Variants in SPTSSB observed in about 807,000 individuals in gnomAD.
SPTSSB encodes the protein serine palmitoyltransferase small subunit B, also known as androgen down regulated in mouse prostate.
SPTSSB carries 6 observed loss-of-function variants against 7.7 expected under a neutral mutation model. That is an observed-to-expected ratio of 0.78 (90% CI 0.43 to 1.54). SPTSSB has a LOEUF of 1.54. SPTSSB is among the 40% of genes most tolerant of loss of function. The probability of loss-of-function intolerance (pLI) is 0.01; values close to 1 mark genes in which losing one functional copy is unlikely to be tolerated. For synonymous variants in SPTSSB, 28 were observed against 29.7 expected (o/e 0.94, Z 0.19); for missense variants, 91 against 93.0 (o/e 0.98, Z 0.09).
chr3:161,358,044 GTTTTTTT>G (rs11353900), intron 2 of SPTSSB, among the ~76,000 whole-genome samples: 1,844 of 114,546 alleles, frequency 0.016, 40 homozygotes, highest in South Asian at 0.02. Context: ...AGAAACTTTT[GTTTTTTT>G]TTTTTTTTTT....
intron 2 of SPTSSB, among the ~76,000 whole-genome samples, chr3:161,352,607 G>A (rs1438254535): frequency 6.6e-6 from 1 of 152,134 alleles, no homozygotes; most frequent in Non-Finnish European, 1.5e-5. Context: ...TTGGCTGACT[G>A]ACCGATTCAG....
intron 2 of SPTSSB, among the ~76,000 whole-genome samples, chr3:161,350,381 A>G (rs1714472429): frequency 6.6e-6 from 1 of 152,198 alleles, no homozygotes; most frequent in Non-Finnish European, 1.5e-5. Flanking sequence ...CCTGGGGAAA[A>G]AAAAGACTTA....
In SPTSSB at chr3:161,346,236, C is replaced by T. The variant is rs755531703; in HGVS notation, c.88G>A (p.Glu30Lys). The T allele has an allele frequency of 1.9e-6, 3 of 1,613,612 alleles. No individual in the cohort carries two copies. In the African/African-American group the frequency reaches 4.0e-5, roughly 22 times the overall value. ...ISCCAVLEPW[E>K]RSMFNTILLT... ...AAGATGGTGTTAAACATAGATCGCT[C>T]CCAGGGCTCTAAAACAGCACAGCAG... is the stretch of plus-strand genomic sequence containing the variant. Residue 30 changes from glutamate (E) to lysine (K), a missense_variant, in exon 3 of 3, where the codon GAG becomes AAG. By Grantham distance (56) the Glu-to-Lys change is moderately conservative (BLOSUM62 1). Coordinates refer to ENST00000620149, the MANE Select transcript of SPTSSB (RefSeq NM_001040100.2).
chr3:161,371,039 G>T (rs1472153042), intron 1 of SPTSSB, among the ~76,000 whole-genome samples: 1 of 152,172 alleles, frequency 6.6e-6, no homozygotes, highest in Non-Finnish European at 1.5e-5. Context: ...AGTAGTTTAA[G>T]TAGCTTATGG....
chr3:161,346,440 T>G, intron 2 of SPTSSB, 85 bp from the exon 3 acceptor site: 1 of 639,916 alleles, frequency 1.6e-6, no homozygotes, highest in Non-Finnish European at 2.7e-6. Flanking sequence ...TGTTAAAATC[T>G]TTCAAAGATT....
In SPTSSB at chr3:161,366,658, A is replaced by G. The variant is rs1170901588; in HGVS notation, c.-126+4777T>C. On this transcript the variant is annotated intron_variant, in intron 1 of 2. Transcript: ENST00000620149. ...TTTCTTCAGAGCCCTTATCTACATT[A>G]TGTAATTTACTTATTATTATTAATG... is the stretch of plus-strand genomic sequence containing the variant. 3.3e-5 allele frequency among the ~76,000 whole-genome samples: 5 copies of G among 152,104 alleles called. No individual in the cohort carries two copies. In the East Asian group the frequency reaches 9.6e-4, roughly 29 times the overall value.
intron 2 of SPTSSB, among the ~76,000 whole-genome samples, chr3:161,351,822 C>T (rs1714551233): frequency 6.6e-6 from 1 of 152,190 alleles, no homozygotes; most frequent in African/African-American, 2.4e-5. Flanking sequence ...TTGCAACCTG[C>T]AGTTGGAAAA....
intron 1 of SPTSSB, among the ~76,000 whole-genome samples, chr3:161,360,403 A>G (rs1560106169): frequency 6.6e-6 from 1 of 152,216 alleles, no homozygotes; most frequent in Non-Finnish European, 1.5e-5. Context: ...TAAGGCTTAT[A>G]TCTTATTGTG....
At chr3:161,371,383 A>G in intron 1 of SPTSSB, 52 bp downstream of exon 1, 5 of 977,090 alleles carry the variant, frequency 5.1e-6, no homozygotes, top group Non-Finnish European at 4.9e-6. Flanking sequence ...CAGGAATTCT[A>G]TCCTACTAAA....
chr3:161,359,222 T>C (rs1329100281), intron 2 of SPTSSB: 1 of 152,224 alleles, frequency 6.6e-6, no homozygotes, highest in Admixed American at 6.5e-5. Flanking sequence ...TGTTAATATT[T>C]TTGGAAAATA....
At chr3:161,354,081 C>T (rs966484106) in intron 2 of SPTSSB, among the ~76,000 whole-genome samples, 1 of 152,126 alleles carries the variant, frequency 6.6e-6, no homozygotes. Context: ...AAGGAACTTT[C>T]TCTACACATT....
chr3:161,367,852 A>G (rs1037829750), intron 1 of SPTSSB, among the ~76,000 whole-genome samples: 13 of 152,194 alleles, frequency 8.5e-5, no homozygotes, highest in Admixed American at 5.9e-4. Context: ...CTCTCACCCA[A>G]TGTGGGCCTG....
chr3:161,350,379 A>T lies in SPTSSB; in HGVS notation c.-32-4024T>A, dbSNP rs75102219. ...CTAAAGGTAGCTATTCTCCTGGGGA[A>T]AAAAAAGACTTAGTACATTTTGGTT... On this transcript the variant is annotated intron_variant, in intron 2 of 2. Coordinates refer to ENST00000620149, the MANE Select transcript of SPTSSB (RefSeq NM_001040100.2). Among the ~76,000 whole-genome samples, 1,485 of 152,234 alleles carry T rather than the reference A, an allele frequency of 9.8e-3. 34 individuals carry two copies. The highest frequency in any genetic ancestry group is 0.034 in the African/African-American group (1,429 of 41,542).
chr3:161,371,146 TGGACTACACGAA>T, intron 1 of SPTSSB, among the ~76,000 whole-genome samples: 1 of 152,310 alleles, frequency 6.6e-6, no homozygotes, highest in Admixed American at 6.5e-5. Flanking sequence ...GAGTCGTTAA[TGGACTACACGAA>T]GGTAAATAGT....
chr3:161,351,840 T>A (rs1244537591), intron 2 of SPTSSB, among the ~76,000 whole-genome samples: 1 of 152,260 alleles, frequency 6.6e-6, no homozygotes, highest in Non-Finnish European at 1.5e-5. Flanking sequence ...AAAATCCAAC[T>A]TTAAGGCTTA....
intron 1 of SPTSSB, among the ~76,000 whole-genome samples, chr3:161,368,519 C>G (rs983537344): frequency 1.3e-5 from 2 of 151,144 alleles, no homozygotes; most frequent in South Asian, 4.2e-4. Flanking sequence ...CTCCGCCTCC[C>G]GGGTTCACGC....
intron 2 of SPTSSB, among the ~76,000 whole-genome samples, chr3:161,347,425 T>C (rs910846291): frequency 2.7e-5 from 4 of 150,500 alleles, no homozygotes; most frequent in African/African-American, 9.8e-5. Context: ...GCCCGGCTAA[T>C]TTTTTTTTGC....
In SPTSSB at chr3:161,345,279, T is replaced by G. The variant is rs1362585327; in HGVS notation, c.*814A>C. 2.6e-5 allele frequency: 4 copies of G among 152,588 alleles called. No individual in the cohort carries two copies. The highest frequency in any genetic ancestry group is 5.9e-5 in the Non-Finnish European group (4 of 68,034). The allele number at this position is 152,588 out of a possible 1,614,324, so 9.5% of individuals were successfully genotyped here. ...TTCCGGTGGCCCAATACATGCTTTT[T>G]TCCCTCTACACTGAATGAAAGTACA... On this transcript the variant is annotated 3_prime_UTR_variant, in exon 3 of 3. Transcript: ENST00000620149.
chr3:161,357,362 T>C (rs532564897), intron 2 of SPTSSB, among the ~76,000 whole-genome samples: 2 of 152,338 alleles, frequency 1.3e-5, no homozygotes, highest in South Asian at 4.1e-4. Flanking sequence ...GAGAATAGTG[T>C]GGATATATTA....
Sources: gnomAD v4.1 joint callset for allele counts (sites outside exome capture counted in the v4.1 genomes callset) on GRCh38, gnomAD v4.1.1 for gene constraint, MANE v1.5 for transcripts, NCBI Gene and HGNC (gene_info 2026-07-23, HGNC 2026-07-21) for gene names.